BRINP1: variants seen among roughly 807,000 people sequenced by gnomAD.
The protein encoded by BRINP1 is BMP/retinoic acid-inducible neural-specific protein 1.
Under a neutral mutation model 72.9 loss-of-function variants are expected in BRINP1, and 17 were observed. The ratio of observed to expected loss-of-function variants is 0.23; its 90% CI spans 0.16 to 0.35. The LOEUF (loss-of-function observed/expected upper bound fraction) is 0.35, where lower values mean the gene tolerates loss of function less well. BRINP1 is among the 10% of genes least tolerant of loss of function. The pLI is 1.00. For missense variants in BRINP1, 850 were observed against 1,001.6 expected (o/e 0.85, Z 2.04); for synonymous variants, 418 against 378.5 (o/e 1.10, Z -1.21).
chr9:119,325,346 C>G (rs1361857113), intron 1 of BRINP1, among the ~76,000 whole-genome samples: 1 of 152,144 alleles, frequency 6.6e-6, no homozygotes, highest in Non-Finnish European at 1.5e-5. Context: ...CCAAGTAAAC[C>G]ATACAATCTC....
chr9:119,276,491 A>G (rs577019293), intron 2 of BRINP1, among the ~76,000 whole-genome samples: 3 of 152,360 alleles, frequency 2.0e-5, no homozygotes, highest in Non-Finnish European at 2.9e-5. Context: ...AACCTTTAAC[A>G]TCAATACAAT....
At chr9:119,288,585 C>T (rs1430164905) in intron 2 of BRINP1, among the ~76,000 whole-genome samples, 3 of 152,026 alleles carry the variant, frequency 2.0e-5, no homozygotes, top group Non-Finnish European at 1.5e-5. Context: ...AAGCAATGGG[C>T]TTTGCTAAAT....
At chr9:119,305,447 T>C (rs1830985738) in intron 2 of BRINP1, among the ~76,000 whole-genome samples, 2 of 152,228 alleles carry the variant, frequency 1.3e-5, no homozygotes, top group African/African-American at 4.8e-5. Flanking sequence ...GAAGCTGCTC[T>C]CCAACCTTAT....
chr9:119,197,568 C>T (rs1829752300), intron 7 of BRINP1, among the ~76,000 whole-genome samples: 1 of 152,190 alleles, frequency 6.6e-6, no homozygotes, highest in Non-Finnish European at 1.5e-5. Context: ...GGAATCACAG[C>T]TTCTCTGTCA....
chr9:119,328,044 T>C (rs776831348), intron 1 of BRINP1, among the ~76,000 whole-genome samples: 1 of 152,100 alleles, frequency 6.6e-6, no homozygotes, highest in Non-Finnish European at 1.5e-5. Context: ...TGCAAATAAA[T>C]AGTAAGCAAT....
chr9:119,258,790 C>A (rs1830469849), intron 2 of BRINP1, among the ~76,000 whole-genome samples: 1 of 152,164 alleles, frequency 6.6e-6, no homozygotes, highest in Admixed American at 6.5e-5. Context: ...CTCTGTCACC[C>A]CACACATTAT....
chr9:119,282,826 G>C (rs1830726087), intron 2 of BRINP1: 2 of 985,154 alleles, frequency 2.0e-6, no homozygotes, highest in Non-Finnish European at 2.4e-6. Context: ...GAGAGTAATA[G>C]CTGGTCACAG....
intron 1 of BRINP1, among the ~76,000 whole-genome samples, chr9:119,360,381 G>A (rs1211472057): frequency 2.0e-5 from 3 of 152,068 alleles, no homozygotes; most frequent in Admixed American, 6.5e-5. Flanking sequence ...TTTATCATGC[G>A]CCTGTAAACT....
chr9:119,204,593 G>A (rs549551149), intron 7 of BRINP1, among the ~76,000 whole-genome samples: 1 of 152,234 alleles, frequency 6.6e-6, no homozygotes, highest in African/African-American at 2.4e-5. Context: ...TCTCATATAA[G>A]ATGCTAAAGA....
At chr9:119,226,593 T>C (rs1830094202) in intron 5 of BRINP1, among the ~76,000 whole-genome samples, 1 of 152,044 alleles carries the variant, frequency 6.6e-6, no homozygotes, top group Admixed American at 6.6e-5. Flanking sequence ...TCCAGGTTTC[T>C]GTAGGTCAGA....
At chr9:119,333,118 T>C (rs1831315816) in intron 1 of BRINP1, among the ~76,000 whole-genome samples, 1 of 151,756 alleles carries the variant, frequency 6.6e-6, no homozygotes, top group Non-Finnish European at 1.5e-5. Flanking sequence ...CCAAGCTATG[T>C]GTCTTTAATC....
At chr9:119,323,893 C>T (rs926978369) in intron 1 of BRINP1, among the ~76,000 whole-genome samples, 1 of 152,126 alleles carries the variant, frequency 6.6e-6, no homozygotes, top group Admixed American at 6.5e-5. Flanking sequence ...TTGTAATATA[C>T]TGAACTAGAC....
chr9:119,271,890 G>T (rs1467153368), intron 2 of BRINP1, among the ~76,000 whole-genome samples: 1 of 151,590 alleles, frequency 6.6e-6, no homozygotes, highest in Non-Finnish European at 1.5e-5. Flanking sequence ...CATAGAGACA[G>T]GGGTCTTGCC....
intron 1 of BRINP1, among the ~76,000 whole-genome samples, chr9:119,365,939 A>G (rs976272221): frequency 6.6e-6 from 1 of 152,098 alleles, no homozygotes; most frequent in East Asian, 1.9e-4. Context: ...GTTTTTCAGT[A>G]TCTGCCTGCA....
chr9:119,172,223 G>C (rs1355171420), intron 7 of BRINP1, among the ~76,000 whole-genome samples: 11 of 152,234 alleles, frequency 7.2e-5, no homozygotes, highest in Admixed American at 2.0e-4. Flanking sequence ...CAACAAAATT[G>C]ATAGACTACT....
At chr9:119,273,389 C>G (rs1196061574) in intron 2 of BRINP1, among the ~76,000 whole-genome samples, 1 of 151,978 alleles carries the variant, frequency 6.6e-6, no homozygotes, top group Non-Finnish European at 1.5e-5. Flanking sequence ...AAAATGAGGC[C>G]AGAGGCACTC....
intron 7 of BRINP1, among the ~76,000 whole-genome samples, chr9:119,197,442 CTCTG>C (rs1331592041): frequency 2.0e-5 from 3 of 152,182 alleles, no homozygotes; most frequent in Admixed American, 6.5e-5. Context: ...GCATCAACAA[CTCTG>C]TCTGGTACAT....
At chr9:119,344,315 C>T (rs1256341895) in intron 1 of BRINP1, among the ~76,000 whole-genome samples, 1 of 152,140 alleles carries the variant, frequency 6.6e-6, no homozygotes, top group Non-Finnish European at 1.5e-5. Flanking sequence ...TTGGAAAATA[C>T]ATATAAATAC....
intron 6 of BRINP1, chr9:119,213,696 T>C (rs991934726): frequency 2.3e-5 from 14 of 615,566 alleles, no homozygotes; most frequent in Non-Finnish European, 4.1e-5. Context: ...CAATACATCA[T>C]ATGACCACAA....
Sources: allele counts gnomAD v4.1 joint callset (sites outside exome capture counted in the v4.1 genomes callset), GRCh38; gene constraint gnomAD v4.1.1; transcripts MANE v1.5; gene names NCBI Gene and HGNC (gene_info 2026-07-23, HGNC 2026-07-21).